The following CYFIP1 variants were observed in gnomAD, a reference collection of about 807,000 sequenced individuals.
CYFIP1 encodes cytoplasmic FMR1-interacting protein 1.
CYFIP1 carries 58 observed loss-of-function variants against 163.5 expected under a neutral mutation model. The observed-to-expected ratio is 0.35, with a 90% CI of 0.29 to 0.44. The LOEUF is 0.44. CYFIP1 is among the 20% of genes least tolerant of loss of function. The probability of loss-of-function intolerance (pLI) is 1.00; values close to 1 mark genes in which losing one functional copy is unlikely to be tolerated. For synonymous variants in CYFIP1, 663 were observed against 660.7 expected (o/e 1.00, Z -0.05); for missense variants, 1,338 against 1,653.8 (o/e 0.81, Z 3.31).
intron 13 of CYFIP1, 131 bp downstream of exon 13, chr15:22,925,851 C>T: frequency 7.4e-7 from 1 of 1,348,222 alleles, no homozygotes; most frequent in South Asian, 1.4e-5. Flanking sequence ...ACTACTCTGC[C>T]AGATGGAAAG....
At chr15:22,976,767 T>C (rs1464398698) in intron 1 of CYFIP1, among the ~76,000 whole-genome samples, 1 of 152,226 alleles carries the variant, frequency 6.6e-6, no homozygotes, top group Non-Finnish European at 1.5e-5. Flanking sequence ...GGTTCTGTCT[T>C]ATCTCAGGTT....
intron 28 of CYFIP1, 128 bp from the exon 29 acceptor site, chr15:22,873,857 T>A: frequency 1.2e-6 from 1 of 818,578 alleles, no homozygotes; most frequent in Non-Finnish European, 2.0e-6. Flanking sequence ...AGTGGCACAA[T>A]CACAGCTCGC....
intron 1 of CYFIP1, 151 bp from the exon 2 acceptor site, chr15:22,947,442 TGC>T: frequency 9.0e-7 from 1 of 1,107,974 alleles, no homozygotes; most frequent in Non-Finnish European, 1.3e-6. Context: ...CCTTGGGAGT[TGC>T]GTGTCTCTCT....
chr15:22,951,653 A>G (rs761620803), intron 1 of CYFIP1: 41 of 915,070 alleles, frequency 4.5e-5, no homozygotes, highest in East Asian at 6.4e-5. Flanking sequence ...GGTCAACAAG[A>G]AGACAGGTCG....
intron 23 of CYFIP1, among the ~76,000 whole-genome samples, chr15:22,892,279 G>C (rs1211800569): frequency 6.6e-6 from 1 of 152,084 alleles, no homozygotes; most frequent in South Asian, 2.1e-4. Context: ...TAAATCACAC[G>C]GGTGCTTGAA....
At chr15:22,964,307 C>CAT (rs1283446310) in intron 1 of CYFIP1, among the ~76,000 whole-genome samples, 2 of 114,104 alleles carry the variant, frequency 1.8e-5, no homozygotes, top group Non-Finnish European at 3.8e-5. Context: ...CACACACACA[C>CAT]ACACACAACT....
intron 22 of CYFIP1, among the ~76,000 whole-genome samples, chr15:22,896,858 T>C (rs1315811848): frequency 6.6e-6 from 1 of 152,158 alleles, no homozygotes; most frequent in Non-Finnish European, 1.5e-5. Context: ...TAATTCTTGA[T>C]TGGGCACTGG....
intron 1 of CYFIP1, among the ~76,000 whole-genome samples, chr15:22,965,036 TTGTGTGTG>T (rs56857768): frequency 0.36 from 53,724 of 149,426 alleles, 9,808 homozygotes; most frequent in Non-Finnish European, 0.4. Flanking sequence ...TAGTATTCCA[TTGTGTGTG>T]TGTGTGTGTG....
chr15:22,883,085 C>G, intron 23 of CYFIP1, 74 bp from the exon 24 acceptor site: 2 of 1,533,882 alleles, frequency 1.3e-6, no homozygotes, highest in Non-Finnish European at 1.8e-6. Flanking sequence ...GTGAGAAGAT[C>G]ACTCAACACA....
intron 3 of CYFIP1, 56 bp downstream of exon 3, chr15:22,946,947 G>C: frequency 6.9e-7 from 1 of 1,451,478 alleles, no homozygotes; most frequent in East Asian, 2.3e-5. Context: ...GTATACATCT[G>C]TCCTTCAAAC....
chr15:22,879,856 G>GTGGGGTGGGGTGGGGTGGGC, intron 26 of CYFIP1, 57 bp downstream of exon 26: 1 of 1,318,278 alleles, frequency 7.6e-7, no homozygotes, highest in East Asian at 2.6e-5. Flanking sequence ...CCCCTGGCCG[G>GTGGGGTGGGGTGGGGTGGGC]TGGGGTGGGG....
At chr15:22,935,883 T>C (rs2061696286) in intron 9 of CYFIP1, among the ~76,000 whole-genome samples, 1 of 152,210 alleles carries the variant, frequency 6.6e-6, no homozygotes, top group Non-Finnish European at 1.5e-5. Context: ...CATCACATCA[T>C]ATACCATAAA....
At chr15:22,921,992 G>A (rs1295991762) in intron 13 of CYFIP1, among the ~76,000 whole-genome samples, 1 of 152,068 alleles carries the variant, frequency 6.6e-6, no homozygotes, top group East Asian at 1.9e-4. Flanking sequence ...AAATAGTACT[G>A]ACAACTGTAT....
rs150414358 is a variant in CYFIP1 at position 22,956,750 on chromosome 15, G to A, written c.-6-9459C>T. ...CGCCCCGAGACAGCAGTGTGCATGC[G>A]GCCACTCTGGCCGGGCCCAGGCTCC... On this transcript the variant is annotated intron_variant, in intron 1 of 30. Coordinates refer to ENST00000617928, the MANE Select transcript of CYFIP1 (RefSeq NM_014608.6). 3.1e-3 allele frequency among the ~76,000 whole-genome samples: 467 copies of A among 152,268 alleles called. 1 individual carries two copies. Among genetic ancestry groups the A allele is most frequent in the African/African-American group, 0.01 (434 of 41,544 alleles).
chr15:22,980,563 G>C (rs1234062794), upstream of CYFIP1, among the ~76,000 whole-genome samples: 1 of 152,052 alleles, frequency 6.6e-6, no homozygotes, highest in African/African-American at 2.4e-5. Flanking sequence ...AGAGCCCCTG[G>C]CTACCTGCCG....
intron 18 of CYFIP1, among the ~76,000 whole-genome samples, chr15:22,911,659 C>T (rs879516808): frequency 1.3e-5 from 2 of 152,228 alleles, no homozygotes; most frequent in Non-Finnish European, 2.9e-5. Context: ...GCCCTCCTCC[C>T]ATCCTGCAGG....
At chr15:22,957,755 T>G (rs2140175715) in intron 1 of CYFIP1, among the ~76,000 whole-genome samples, 1 of 152,366 alleles carries the variant, frequency 6.6e-6, no homozygotes, top group African/African-American at 2.4e-5. Context: ...GCTGATTTTC[T>G]TCCTCTTCTA....
At chr15:22,977,969 A>G (rs1345903800) in intron 1 of CYFIP1, among the ~76,000 whole-genome samples, 1 of 152,186 alleles carries the variant, frequency 6.6e-6, no homozygotes, top group Non-Finnish European at 1.5e-5. Flanking sequence ...AGACACAAGC[A>G]TTGACTGTAG....
intron 1 of CYFIP1, among the ~76,000 whole-genome samples, chr15:22,947,713 CA>C (rs1459852832): frequency 1.3e-5 from 2 of 152,194 alleles, no homozygotes; most frequent in Non-Finnish European, 2.9e-5. Context: ...TAAATGCAGC[CA>C]CCTCCCAGGT....
Sources: allele counts gnomAD v4.1 joint callset (sites outside exome capture counted in the v4.1 genomes callset), GRCh38; gene constraint gnomAD v4.1.1; transcripts MANE v1.5; gene names NCBI Gene and HGNC (gene_info 2026-07-23, HGNC 2026-07-21).